Variants in CPSF6 observed in about 807,000 individuals in gnomAD.
CPSF6 encodes the protein cleavage and polyadenylation specific factor 6, also known as cleavage and polyadenylation specificity factor subunit 6.
Under a neutral mutation model 56.7 loss-of-function variants are expected in CPSF6, and 10 were observed. The observed-to-expected ratio is 0.18, with a 90% CI of 0.11 to 0.30. CPSF6 has a LOEUF of 0.30. Among genes scored for constraint, CPSF6 ranks in the 10% least tolerant of loss-of-function variants. CPSF6 has a pLI of 1.00. For missense variants in CPSF6, 419 were observed against 722.9 expected, an observed-to-expected ratio of 0.58 and a Z score of 4.82; for synonymous variants, 248 against 244.8, an observed-to-expected ratio of 1.01 and a Z score of -0.12.
chr12:69,258,615 C>G lies in CPSF6; in HGVS notation c.720C>G (p.Pro240=), dbSNP rs764719371. The change falls in exon 6 of 10, where the codon CCC becomes CCG. Residue 240 remains proline, a synonymous_variant. Coordinates refer to ENST00000435070, the MANE Select transcript of CPSF6 (RefSeq NM_007007.3). This position sits in a 1 kb window ranked among gnomAD's most constrained non-coding sequence, Gnocchi z 4.2. ...CTGGACAGACTCCACCACGTCCACC[C>G]TTAGGTCCTCCAGGCCCACCTGGTC... The part of the protein sequence containing the change: ...FPAGQTPPRP[P]LGPPGPPGPP... The G allele has an allele frequency of 6.2e-6, 10 of 1,613,520 alleles. No individual in the cohort carries two copies. Among genetic ancestry groups the G allele is most frequent in the Non-Finnish European group, 8.5e-6 (10 of 1,179,656 alleles).
intron 1 of CPSF6, among the ~76,000 whole-genome samples, chr12:69,247,079 A>G (rs974400379): frequency 3.9e-5 from 6 of 152,146 alleles, no homozygotes; most frequent in African/African-American, 1.4e-4. Context: ...TACAGTATGT[A>G]TCGTATATCT....
chr12:69,251,278 A>G lies in CPSF6; in HGVS notation c.210A>G (p.Pro70=). 6.2e-7 allele frequency: 1 copy of G among 1,608,454 alleles called. No homozygotes were observed. Among genetic ancestry groups the G allele is most frequent in the Non-Finnish European group, 8.5e-7 (1 of 1,175,928 alleles). ...ATGATGTGGGTAAAGGAGCAGCACC[A>G]AATGTTGTCTATACATATACTGGAA... ...VGDDVGKGAA[P]NVVYTYTGKR... is the part of the protein sequence containing the mutation. The change falls in exon 2 of 10, where the codon CCA becomes CCG. Residue 70 remains proline (P), a synonymous_variant. Transcript: ENST00000435070.
At chr12:69,245,941 G>A (rs1871881223) in intron 1 of CPSF6, among the ~76,000 whole-genome samples, 1 of 152,114 alleles carries the variant, frequency 6.6e-6, no homozygotes, top group South Asian at 2.1e-4. Flanking sequence ...ACAAAATTTA[G>A]CCAGGTATGA....
At chr12:69,241,826 G>A (rs1296333366) in intron 1 of CPSF6, among the ~76,000 whole-genome samples, 1 of 151,620 alleles carries the variant, frequency 6.6e-6, no homozygotes, top group Non-Finnish European at 1.5e-5. Flanking sequence ...ATAAATAGAG[G>A]CATTGTTTTT....
chr12:69,242,342 A>G (rs1871668479), intron 1 of CPSF6, among the ~76,000 whole-genome samples: 2 of 151,786 alleles, frequency 1.3e-5, no homozygotes, highest in Admixed American at 1.3e-4. Context: ...TAAATGTCAT[A>G]CTTTTATGAA....
intron 6 of CPSF6, 75 bp from the exon 7 acceptor site, chr12:69,259,353 A>C (rs901919753): frequency 1.3e-6 from 2 of 1,523,526 alleles, no homozygotes; most frequent in East Asian, 4.5e-5. Flanking sequence ...AGCTAGTATG[A>C]ATTGCTATAC....
Position 69,271,414 on chromosome 12 carries a change from A to C in CPSF6, c.*1906A>C, listed in dbSNP as rs537755462. 6.6e-6 allele frequency: 1 copy of C among 152,188 alleles called. No homozygotes were observed. The highest frequency in any genetic ancestry group is 6.6e-5 in the Admixed American group (1 of 15,248). The allele number at this position is 152,188 out of a possible 1,614,324, so 9.4% of individuals were successfully genotyped here. A position where few individuals can be genotyped will look rare whatever the true frequency, so the allele number is the denominator to read the frequency against. Reference sequence around the variant, plus strand: ...AGTAAAGGGTTAAAAGGTAAGTAAAATGTCCATGAAAATAAAATTTTCTTT... The same window carrying C: ...AGTAAAGGGTTAAAAGGTAAGTAAACTGTCCATGAAAATAAAATTTTCTTT... On this transcript the variant is annotated 3_prime_UTR_variant, in exon 10 of 10. Transcript: ENST00000435070.
At position 69,262,549 on chromosome 12, in the gene CPSF6, G is replaced by A. The variant is rs777748091; in HGVS notation, c.1646G>A (p.Arg549His). Reference protein sequence around the residue: ...DRERDREREYRHR With the variant: ...DRERDREREYHHR Reference sequence around the variant, plus strand: ...GAGCGTGACCGAGAGCGCGAATATCGTCATCGTTAGAAGGTGGGTATTCCT... The same window carrying A: ...GAGCGTGACCGAGAGCGCGAATATCATCATCGTTAGAAGGTGGGTATTCCT... The change falls in exon 9 of 10, where the codon CGT becomes CAT. Residue 549 changes from arginine (R) to histidine (H), a missense_variant. Physicochemically the swap from Arg to His is conservative, Grantham distance 29 (BLOSUM62 0). Transcript: ENST00000435070. The A allele has an allele frequency of 4.3e-6, 7 of 1,611,784 alleles. No homozygotes were observed. The highest frequency in any genetic ancestry group is 1.3e-5 in the African/African-American group (1 of 74,806).
intron 9 of CPSF6, among the ~76,000 whole-genome samples, chr12:69,269,034 A>G (rs531616446): frequency 5.3e-5 from 8 of 151,954 alleles, no homozygotes; most frequent in Non-Finnish European, 1.0e-4. Flanking sequence ...AAGTTCCTGT[A>G]TGCTGTTAAA....
chr12:69,256,781 T>C lies in CPSF6; in HGVS notation c.459T>C (p.Asn153=). 1 of 1,613,974 alleles carries C rather than the reference T, an allele frequency of 6.2e-7. No individual in the cohort carries two copies. ...CTAAAAGAGAACTTCATGGTCAGAA[T>C]CCTGTTGTAACTCCATGCAATAAAC... ...LLPKRELHGQ[N]PVVTPCNKQF... is the part of the protein sequence containing the mutation. Residue 153 remains asparagine, a synonymous_variant, in exon 4 of 10, where the codon AAT becomes AAC. Coordinates refer to ENST00000435070, the MANE Select transcript of CPSF6 (RefSeq NM_007007.3).
At position 69,256,676 on chromosome 12, in the gene CPSF6, C is replaced by T. The variant is rs751747939; in HGVS notation, c.375-21C>T. 10 of 1,595,538 alleles carry T rather than the reference C, an allele frequency of 6.3e-6. No individual in the cohort carries two copies. In the South Asian group the frequency reaches 1.0e-4, roughly 16 times the overall value. On this transcript the variant is annotated intron_variant, in intron 3 of 9. Transcript: ENST00000435070. ...TTGATCTCTTTTTACTTTGTATCCT[C>T]ACCCCTTAAACACTTTTTAGGTTTG...
At chr12:69,252,608 AAGAGTT>A (rs947966643) in intron 2 of CPSF6, among the ~76,000 whole-genome samples, 189 of 152,318 alleles carry the variant, frequency 1.2e-3, no homozygotes, top group African/African-American at 4.2e-3. Context: ...TGGTTGTTAT[AAGAGTT>A]AGTTGATACA....
chr12:69,262,885 T>A (rs1027234170), intron 9 of CPSF6, among the ~76,000 whole-genome samples: 19 of 152,146 alleles, frequency 1.2e-4, no homozygotes, highest in Non-Finnish European at 2.1e-4. Context: ...ATCACATACA[T>A]AGGTTGCATG....
chr12:69,246,156 C>G (rs956138810), intron 1 of CPSF6, among the ~76,000 whole-genome samples: 1 of 152,160 alleles, frequency 6.6e-6, no homozygotes, highest in African/African-American at 2.4e-5. Context: ...ACAAAGAATT[C>G]ACTTAGGAGT....
chr12:69,248,920 C>T (rs1872056273), intron 1 of CPSF6, among the ~76,000 whole-genome samples: 1 of 151,830 alleles, frequency 6.6e-6, no homozygotes, highest in Non-Finnish European at 1.5e-5. Context: ...ATGATATTTC[C>T]CCTACTAGGC....
rs1234995531 is a variant in CPSF6 at position 69,272,758 on chromosome 12, C to T, written c.*3250C>T. The T allele has an allele frequency of 6.5e-6, 1 of 152,988 alleles. No homozygotes were observed. Among genetic ancestry groups the T allele is most frequent in the Non-Finnish European group, 1.5e-5 (1 of 68,568 alleles). 9.5% of individuals were successfully genotyped at this position (152,988 alleles called of 1,614,324 possible). On this transcript the variant is annotated 3_prime_UTR_variant, in exon 10 of 10. Coordinates refer to ENST00000435070, the MANE Select transcript of CPSF6 (RefSeq NM_007007.3). ...CCGTAGCCCTCTGTAAATGTTTCCC[C>T]TAGTTGTATGTACGTAAATGCACGC... is the stretch of plus-strand genomic sequence containing the variant.
At position 69,258,777 on chromosome 12, in the gene CPSF6, T is replaced by G; in HGVS notation, c.882T>G (p.Pro294=). The change falls in exon 6 of 10, where the codon CCT becomes CCG. Residue 294 remains proline, a synonymous_variant. Transcript: ENST00000435070. This position sits in a 1 kb window ranked among gnomAD's most constrained non-coding sequence, Gnocchi z 4.2. ...AGCCTCCATTGGGTCCACTTCCTCC[T>G]GGCCCTCCACCTCCAGTTCCAGGCT... is the stretch of plus-strand genomic sequence containing the variant. ...FGQPPLGPLP[P]GPPPPVPGYG... is the part of the protein sequence containing the mutation. The G allele has an allele frequency of 6.2e-7, 1 of 1,614,048 alleles. No individual in the cohort carries two copies. The highest frequency in any genetic ancestry group is 8.5e-7 in the Non-Finnish European group (1 of 1,179,992).
chr12:69,249,152 CGGGGGGGGG>C (rs548477892), intron 1 of CPSF6, among the ~76,000 whole-genome samples: 1 of 16,618 alleles, frequency 6.0e-5, no homozygotes, highest in Non-Finnish European at 9.8e-5. Context: ...CCCAGCTACT[CGGGGGGGGG>C]GGGGGGGGCT....
At chr12:69,239,891 GGCCGCGGGCGCGGCGAGTC>G (rs1163915224) in intron 1 of CPSF6, among the ~76,000 whole-genome samples, 185 bp downstream of exon 1, 1 of 149,500 alleles carries the variant, frequency 6.7e-6, no homozygotes, top group East Asian at 2.0e-4. Flanking sequence ...TCGTTTCACG[GGCCGCGGGCGCGGCGAGTC>G]GCCGCGGGGC....
Sources: gnomAD v4.1 joint callset for allele counts (sites outside exome capture counted in the v4.1 genomes callset) on GRCh38, gnomAD v4.1.1 for gene constraint, Gnocchi (gnomAD v3.1) non-coding constraint, MANE v1.5 for transcripts, NCBI Gene and HGNC (gene_info 2026-07-23, HGNC 2026-07-21) for gene names.